Variants in KMT2E observed in about 807,000 individuals in gnomAD.
KMT2E encodes the protein lysine methyltransferase 2E (inactive), also known as histone reader KMT2E.
KMT2E carries 30 observed loss-of-function variants against 184.6 expected under a neutral mutation model. The ratio of observed to expected loss-of-function variants is 0.16; its 90% CI spans 0.12 to 0.22. The LOEUF (loss-of-function observed/expected upper bound fraction) is 0.22. Ranked by LOEUF, KMT2E falls within the 10% of genes least tolerant of loss-of-function variation. The pLI is 1.00. For synonymous variants in KMT2E, 815 were observed against 776.5 expected, an observed-to-expected ratio of 1.05 and a Z score of -0.82; for missense variants, 2,023 against 2,237.4, an observed-to-expected ratio of 0.90 and a Z score of 1.93.
chr7:105,051,640 A>T (rs1353975862), intron 3 of KMT2E, among the ~76,000 whole-genome samples: 2 of 151,252 alleles, frequency 1.3e-5, no homozygotes, highest in Non-Finnish European at 2.9e-5. Flanking sequence ...TTGTTTTGAA[A>T]TGGAGTCTTG....
At chr7:105,075,696 A>G (rs936222627) in intron 8 of KMT2E, among the ~76,000 whole-genome samples, 15 of 151,306 alleles carry the variant, frequency 9.9e-5, no homozygotes, top group Non-Finnish European at 1.5e-4. Flanking sequence ...TTTTTTTTAA[A>G]GACAGGATCT....
intron 3 of KMT2E, among the ~76,000 whole-genome samples, chr7:105,057,581 G>C (rs1425352875): frequency 6.6e-6 from 1 of 151,932 alleles, no homozygotes; most frequent in Non-Finnish European, 1.5e-5. Flanking sequence ...AGTAGCTGAA[G>C]CCTAGGACTA....
At position 105,107,576 on chromosome 7, in the gene KMT2E, A is replaced by G; in HGVS notation, c.3119A>G (p.Glu1040Gly). The change falls in exon 22 of 27, where the codon GAA becomes GGA. Residue 1040 changes from glutamate to glycine, a missense_variant. By Grantham distance (98) the Glu-to-Gly change is moderately conservative. Coordinates refer to ENST00000311117, the MANE Select transcript of KMT2E (RefSeq NM_182931.3). ...CCAACTGCCCTACATAAAACCCTGG[A>G]AACGCCTGCACATGACAGGGCTGAG... ...VEPTALHKTL[E>G]TPAHDRAEPN... 1 of 1,614,122 alleles carries G rather than the reference A, an allele frequency of 6.2e-7. No individual in the cohort carries two copies. The highest frequency in any genetic ancestry group is 8.5e-7 in the Non-Finnish European group (1 of 1,180,004).
chr7:105,105,983 A>C lies in KMT2E; in HGVS notation c.2576A>C (p.Asn859Thr). The C allele has an allele frequency of 6.2e-7, 1 of 1,610,576 alleles. No individual in the cohort carries two copies. Among genetic ancestry groups the C allele is most frequent in the Non-Finnish European group, 8.5e-7 (1 of 1,179,134 alleles). ...GAAAATAAAAGTCCACTACTATTAA[A>C]TGACAGCTGTTCCCTTCCAGGTAGA... ...NGENKSPLLL[N>T]DSCSLPDLTT... is the part of the protein sequence containing the mutation. Residue 859 changes from asparagine (N) to threonine (T), a missense_variant, in exon 19 of 27, where the codon AAT (asparagine) becomes ACT (threonine). Physicochemically the swap from Asn to Thr is moderately conservative, Grantham distance 65 (BLOSUM62 0). Transcript: ENST00000311117.
intron 15 of KMT2E, among the ~76,000 whole-genome samples, chr7:105,097,707 T>C (rs2129569247): frequency 6.6e-6 from 1 of 152,328 alleles, no homozygotes; most frequent in Non-Finnish European, 1.5e-5. Context: ...TATTAGGTAC[T>C]CAGTTCAAAC....
At chr7:105,016,332 C>A (rs1260342783) in intron 1 of KMT2E, among the ~76,000 whole-genome samples, 1 of 152,296 alleles carries the variant, frequency 6.6e-6, no homozygotes, top group East Asian at 1.9e-4. Context: ...AGTGAAGCTT[C>A]ATGCTGCCTT....
At chr7:105,080,381 T>G (rs1020390724) in intron 12 of KMT2E, among the ~76,000 whole-genome samples, 1 of 151,778 alleles carries the variant, frequency 6.6e-6, no homozygotes, top group African/African-American at 2.4e-5. Flanking sequence ...GCCAAGAATG[T>G]AGGTGTTTTT....
Position 105,109,016 on chromosome 7 carries a change from CATT to C in KMT2E, c.3545_3547del (p.Ile1182del). On this transcript the variant is annotated inframe_deletion, in exon 23 of 27. Coordinates refer to ENST00000311117, the MANE Select transcript of KMT2E (RefSeq NM_182931.3). ...GCTCTAAGACAGAGAACTTTCCACT[CATT>C]AGTGTATCACCCCATGCAAGTGGAA... 6.2e-7 allele frequency: 1 copy of C among 1,614,104 alleles called. No homozygotes were observed. The highest frequency in any genetic ancestry group is 8.5e-7 in the Non-Finnish European group (1 of 1,179,968).
rs1797451478 is a variant in KMT2E, at chr7:105,074,550, G to T, written c.557-93G>T. ...AAAAATGTGCTTATTTAGAAAGATG[G>T]AGACGACAATACTTTGTCATATGGA... On this transcript the variant is annotated intron_variant, in intron 7 of 26. Coordinates refer to ENST00000311117, the MANE Select transcript of KMT2E (RefSeq NM_182931.3). The T allele has an allele frequency of 3.3e-6, 3 of 902,110 alleles. No individual in the cohort carries two copies. In the Admixed American group the frequency reaches 9.1e-5, roughly 27 times the overall value. 55.9% of individuals were successfully genotyped at this position (902,110 alleles called of 1,614,324 possible).
rs1381564198 is a variant in KMT2E at position 105,113,875 on chromosome 7, ATT to A, written c.*544_*545del. On this transcript the variant is annotated 3_prime_UTR_variant, in exon 27 of 27. Coordinates refer to ENST00000311117, the MANE Select transcript of KMT2E (RefSeq NM_182931.3). ...TCTCCTGACAAACTGTAAATACTGC[ATT>A]TCTTTTGCGTATATAATTGCTTACA... 1.9e-5 allele frequency: 3 copies of A among 155,072 alleles called. No homozygotes were observed. Among genetic ancestry groups the A allele is most frequent in the African/African-American group, 4.8e-5 (2 of 41,512 alleles). 9.6% of individuals were successfully genotyped at this position (155,072 alleles called of 1,614,324 possible). A position where few individuals can be genotyped will look rare whatever the true frequency, so the allele number is the denominator to read the frequency against.
In KMT2E at chr7:105,103,040, TAA is replaced by T. The variant is rs1399842052; in HGVS notation, c.2196+849_2196+850del. 2.0e-5 allele frequency: 3 copies of T among 152,198 alleles called. No individual in the cohort carries two copies. In the East Asian group the frequency reaches 5.8e-4, roughly 29 times the overall value. The allele number at this position is 152,198 out of a possible 1,614,324, so 9.4% of individuals were successfully genotyped here. A position where few individuals can be genotyped will look rare whatever the true frequency, so the allele number is the denominator to read the frequency against. ...CAATCTAAACACAGTTGTTTCTAAT[TAA>T]AAGTCTGTACTCTCCTTACTGCACC... is the stretch of plus-strand genomic sequence containing the variant. On this transcript the variant is annotated intron_variant, in intron 17 of 26. Transcript: ENST00000311117.
intron 26 of KMT2E, among the ~76,000 whole-genome samples, 195 bp from the exon 27 acceptor site, chr7:105,111,630 C>T (rs1048958646): frequency 2.6e-5 from 4 of 152,080 alleles, no homozygotes; most frequent in African/African-American, 7.2e-5. Flanking sequence ...TTTAAGCTCA[C>T]GCTCATAACT....
chr7:105,085,341 G>A (rs185079522), intron 13 of KMT2E, among the ~76,000 whole-genome samples: 1 of 152,282 alleles, frequency 6.6e-6, no homozygotes, highest in African/African-American at 2.4e-5. Flanking sequence ...CTGAGGTCAG[G>A]GGTTCAAAAC....
rs1268800662 is a variant in KMT2E, at chr7:105,037,349, CT to C, written c.-188-772del. 2.6e-5 allele frequency among the ~76,000 whole-genome samples: 4 copies of C among 151,574 alleles called. No homozygotes were observed. The South Asian group carries it at 8.3e-4, about 32-fold the overall frequency. On this transcript the variant is annotated intron_variant, in intron 1 of 26. Coordinates refer to ENST00000311117, the MANE Select transcript of KMT2E (RefSeq NM_182931.3). ...TATCATATTAATCTTTAAAGTGTTA[CT>C]TTTTGTTTTCTTTTTTTTGTTGTTT... is the stretch of plus-strand genomic sequence containing the variant.
intron 5 of KMT2E, among the ~76,000 whole-genome samples, chr7:105,065,266 C>A (rs1796983355): frequency 6.6e-6 from 1 of 152,172 alleles, no homozygotes; most frequent in African/African-American, 2.4e-5. Context: ...TATTCATATT[C>A]TAGCTTTGTT....
intron 3 of KMT2E, among the ~76,000 whole-genome samples, chr7:105,061,190 A>T (rs543868136): frequency 2.0e-5 from 3 of 152,188 alleles, no homozygotes. Context: ...ACTGTAAAAA[A>T]TGTTTTTTAT....
Position 105,059,978 on chromosome 7 carries a change from GTTTTTTTTTTTTTTTT to G in KMT2E, c.72-2168_72-2153del, listed in dbSNP as rs67291226. ...GCTGAATATTGATTTTCTTGTTGTT[GTTTTTTTTTTTTTTTT>G]TTTTTTTTTTTTTTTTTGGAGACAG... On this transcript the variant is annotated intron_variant, in intron 3 of 26. Coordinates refer to ENST00000311117, the MANE Select transcript of KMT2E (RefSeq NM_182931.3). Among the ~76,000 whole-genome samples the G allele has an allele frequency of 1.6e-3, 81 of 51,800 alleles. 1 individual carries two copies. Among genetic ancestry groups the G allele is most frequent in the South Asian group, 3.2e-3 (3 of 952 alleles). The allele number at this position is 51,800 out of a possible 152,430, so 34.0% of individuals were successfully genotyped here.
chr7:105,072,708 G>T (rs1797372074), intron 6 of KMT2E, among the ~76,000 whole-genome samples: 1 of 151,908 alleles, frequency 6.6e-6, no homozygotes, highest in Admixed American at 6.6e-5. Flanking sequence ...CTTAGGCCAG[G>T]AGTTTGAGAC....
intron 13 of KMT2E, among the ~76,000 whole-genome samples, 172 bp downstream of exon 13, chr7:105,081,969 T>C (rs192452744): frequency 1.4e-4 from 22 of 152,358 alleles, no homozygotes; most frequent in Admixed American, 1.0e-3. Context: ...ACAGCATTGC[T>C]ACTTTTCATT....
Sources: allele counts gnomAD v4.1 joint callset (sites outside exome capture counted in the v4.1 genomes callset), GRCh38; gene constraint gnomAD v4.1.1; transcripts MANE v1.5; gene names NCBI Gene and HGNC (gene_info 2026-07-23, HGNC 2026-07-21).